MAGI2: variants seen among roughly 807,000 people sequenced by gnomAD.
MAGI2 encodes the protein membrane associated guanylate kinase, WW and PDZ domain containing 2, also known as membrane-associated guanylate kinase, WW and PDZ domain-containing protein 2.
A neutral mutation model predicts 133.3 loss-of-function variants in MAGI2; 35 were observed. That is an observed-to-expected ratio of 0.26 (90% CI 0.20 to 0.35). MAGI2 has a LOEUF of 0.35. Ranked by LOEUF, MAGI2 falls within the 10% of genes least tolerant of loss-of-function variation. The pLI is 1.00. For synonymous variants in MAGI2, 729 were observed against 710.6 expected, an observed-to-expected ratio of 1.03 and a Z score of -0.41; for missense variants, 1,636 against 1,863.4, an observed-to-expected ratio of 0.88 and a Z score of 2.25.
intron 1 of MAGI2, among the ~76,000 whole-genome samples, chr7:79,165,528 C>A (rs533991792): frequency 1.1e-4 from 16 of 151,976 alleles, no homozygotes; most frequent in Non-Finnish European, 1.5e-4. Flanking sequence ...TTTAGGACTA[C>A]AAACACATAC....
At chr7:78,667,796 G>A (rs1813806464) in intron 2 of MAGI2, among the ~76,000 whole-genome samples, 1 of 151,966 alleles carries the variant, frequency 6.6e-6, no homozygotes, top group South Asian at 2.1e-4. Context: ...ATCATTATTG[G>A]ACATTTGGGT....
chr7:78,367,100 A>AACACACACACACACACACACACACACAC (rs6150177), intron 7 of MAGI2, among the ~76,000 whole-genome samples: 48 of 146,888 alleles, frequency 3.3e-4, no homozygotes, highest in Non-Finnish European at 6.0e-4. Context: ...AATGTAGGCA[A>AACACACACACACACACACACACACACAC]ACACACACAC....
intron 3 of MAGI2, among the ~76,000 whole-genome samples, chr7:78,547,652 C>T (rs113855990): frequency 0.026 from 3,978 of 152,246 alleles, 59 homozygotes; most frequent in South Asian, 0.062. Flanking sequence ...ACAAGGCACG[C>T]GCGCACACAC....
At chr7:79,005,326 T>C (rs867585213) in intron 2 of MAGI2, among the ~76,000 whole-genome samples, 1 of 152,156 alleles carries the variant, frequency 6.6e-6, no homozygotes, top group African/African-American at 2.4e-5. Flanking sequence ...TCATCTCCTT[T>C]ATAGGAGCTA....
At chr7:78,757,868 G>A (rs1824111871) in intron 2 of MAGI2, among the ~76,000 whole-genome samples, 1 of 152,280 alleles carries the variant, frequency 6.6e-6, no homozygotes, top group Middle Eastern at 3.4e-3. Flanking sequence ...ATAATAAGCA[G>A]TTGACTCCCA....
chr7:78,655,091 T>C (rs1003492145), intron 2 of MAGI2, among the ~76,000 whole-genome samples: 8 of 151,594 alleles, frequency 5.3e-5, no homozygotes, highest in Admixed American at 1.3e-4. Context: ...ATCTTGTGTA[T>C]ACCATAAATA....
intron 1 of MAGI2, among the ~76,000 whole-genome samples, chr7:79,115,707 AT>A (rs527573094): frequency 2.6e-5 from 4 of 151,898 alleles, no homozygotes; most frequent in East Asian, 1.9e-4. Context: ...CTCCTAATAG[AT>A]TTTTTTTAAT....
In MAGI2 at chr7:79,280,182, A is replaced by T. The variant is rs116227776; in HGVS notation, c.301+172838T>A. 3.5e-3 allele frequency among the ~76,000 whole-genome samples: 538 copies of T among 152,324 alleles called. 2 individuals carry two copies. The highest frequency in any genetic ancestry group is 0.012 in the African/African-American group (518 of 41,582). On this transcript the variant is annotated intron_variant, in intron 1 of 21. Coordinates refer to ENST00000354212, the MANE Select transcript of MAGI2 (RefSeq NM_012301.4). ...TTAGGAAGATACAGAGGCACATGTGAACATTTAACATGACCTAACAGAGAT... is the reference window on the plus strand; with the variant it reads ...TTAGGAAGATACAGAGGCACATGTGTACATTTAACATGACCTAACAGAGAT...
intron 1 of MAGI2, among the ~76,000 whole-genome samples, chr7:79,445,368 G>A (rs1047959888): frequency 1.1e-4 from 17 of 152,168 alleles, no homozygotes; most frequent in African/African-American, 4.1e-4. Context: ...TACCATCAGA[G>A]TGAATAGGCA....
At chr7:79,356,808 C>T (rs1296290159) in intron 1 of MAGI2, among the ~76,000 whole-genome samples, 1 of 152,134 alleles carries the variant, frequency 6.6e-6, no homozygotes, top group African/African-American at 2.4e-5. Context: ...AAATACTAGA[C>T]ACATCACTGT....
At chr7:78,196,648 T>C (rs891892497) in intron 11 of MAGI2, among the ~76,000 whole-genome samples, 1 of 152,124 alleles carries the variant, frequency 6.6e-6, no homozygotes, top group South Asian at 2.1e-4. Flanking sequence ...ACATGTGCTG[T>C]GTAACACCAG....
intron 3 of MAGI2, among the ~76,000 whole-genome samples, chr7:78,586,833 C>T (rs531583427): frequency 6.6e-6 from 1 of 152,306 alleles, no homozygotes; most frequent in South Asian, 2.1e-4. Flanking sequence ...AGTATTTGTC[C>T]TTTTGTGACT....
intron 7 of MAGI2, 29 bp from the exon 8 acceptor site, chr7:78,346,072 AC>A (rs1475019748): frequency 6.2e-7 from 1 of 1,612,834 alleles, no homozygotes; most frequent in South Asian, 1.1e-5. Context: ...GATTAGGATA[AC>A]CGTGGGGCAA....
At chr7:78,637,341 T>G (rs1809777564) in intron 2 of MAGI2, among the ~76,000 whole-genome samples, 1 of 152,314 alleles carries the variant, frequency 6.6e-6, no homozygotes, top group African/African-American at 2.4e-5. Flanking sequence ...ATAAATTATT[T>G]TGGCTCTATC....
chr7:78,412,205 G>A (rs564693241), intron 6 of MAGI2, among the ~76,000 whole-genome samples: 1 of 152,040 alleles, frequency 6.6e-6, no homozygotes, highest in East Asian at 1.9e-4. Flanking sequence ...TTGAACAATC[G>A]ATCCTCTAAG....
chr7:78,801,129 T>A (rs1175612248), intron 2 of MAGI2, among the ~76,000 whole-genome samples: 1 of 152,154 alleles, frequency 6.6e-6, no homozygotes, highest in Non-Finnish European at 1.5e-5. Context: ...GAATATGTGT[T>A]TCTGAGTAGT....
At chr7:79,422,655 A>AT (rs750563428) in intron 1 of MAGI2, among the ~76,000 whole-genome samples, 23 of 151,656 alleles carry the variant, frequency 1.5e-4, no homozygotes, top group East Asian at 3.9e-4. Flanking sequence ...TTTGTTTGGT[A>AT]TTTTTTTTGT....
At chr7:79,340,462 T>C (rs1433407839) in intron 1 of MAGI2, among the ~76,000 whole-genome samples, 1 of 152,156 alleles carries the variant, frequency 6.6e-6, no homozygotes, top group Non-Finnish European at 1.5e-5. Context: ...TCCTTCATAG[T>C]AGTAAAAGCT....
chr7:79,324,410 C>G (rs868049826), intron 1 of MAGI2, among the ~76,000 whole-genome samples: 2 of 132,162 alleles, frequency 1.5e-5, no homozygotes, highest in African/African-American at 5.5e-5. Context: ...ATACACACAA[C>G]GTATCTATCT....
Sources: allele counts gnomAD v4.1 joint callset (sites outside exome capture counted in the v4.1 genomes callset), GRCh38; gene constraint gnomAD v4.1.1; transcripts MANE v1.5; gene names NCBI Gene and HGNC (gene_info 2026-07-23, HGNC 2026-07-21).